The following PHAX variants were observed in gnomAD, a reference collection of about 807,000 sequenced individuals.
PHAX encodes the protein phosphorylated adaptor for RNA export.
PHAX carries 31 observed loss-of-function variants against 41.6 expected under a neutral mutation model. The ratio of observed to expected loss-of-function variants is 0.75; its 90% CI spans 0.56 to 1.01. The LOEUF (loss-of-function observed/expected upper bound fraction) is 1.01. Ranked by LOEUF, PHAX falls within the 50% of genes least tolerant of loss-of-function variation. The pLI, the probability that PHAX is intolerant of heterozygous loss-of-function variation, is 0.00. For synonymous variants in PHAX, 175 were observed against 164.9 expected, an observed-to-expected ratio of 1.06 and a Z score of -0.47; for missense variants, 453 against 472.9, an observed-to-expected ratio of 0.96 and a Z score of 0.39.
intron 3 of PHAX, among the ~76,000 whole-genome samples, chr5:126,615,926 G>C (rs1752176893): frequency 6.6e-6 from 1 of 151,684 alleles, no homozygotes; most frequent in African/African-American, 2.4e-5. Flanking sequence ...ATATATATCT[G>C]ATTTATTATA....
At position 126,622,835 on chromosome 5, in the gene PHAX, A is replaced by G. The variant is rs183794168; in HGVS notation, c.916-1740A>G. 3.0e-3 allele frequency among the ~76,000 whole-genome samples: 453 copies of G among 152,130 alleles called. 2 individuals are homozygous for G. The highest frequency in any genetic ancestry group is 0.01 in the African/African-American group (428 of 41,548). ...TGTGAAGGCAGTATAATAGATTTTA[A>G]GAACATTGGGCCGGGCGCGGTGGCT... On this transcript the variant is annotated intron_variant, in intron 4 of 4. Coordinates refer to ENST00000297540, the MANE Select transcript of PHAX (RefSeq NM_032177.4).
At position 126,620,221 on chromosome 5, in the gene PHAX, A is replaced by G. The variant is rs549172491; in HGVS notation, c.915+2888A>G. The stretch of plus-strand genomic sequence containing the variant: ...TTTCATTGTAACAACTGTTTCAGTA[A>G]CATGATTTGTAACAATGTAAGTTTC... On this transcript the variant is annotated intron_variant, in intron 4 of 4. Coordinates refer to ENST00000297540, the MANE Select transcript of PHAX (RefSeq NM_032177.4). Among the ~76,000 whole-genome samples the G allele has an allele frequency of 2.3e-4, 35 of 152,352 alleles. 2 individuals carry two copies. Among genetic ancestry groups the G allele is most frequent in the Admixed American group, 1.6e-3 (25 of 15,288 alleles).
chr5:126,624,705 C>T lies in PHAX; in HGVS notation c.1046C>T (p.Thr349Ile), dbSNP rs1212240340. Residue 349 changes from threonine (T) to isoleucine (I), a missense_variant, in exon 5 of 5, where the codon ACA (threonine) becomes ATA (isoleucine). Transcript: ENST00000297540. Reference sequence around the variant, plus strand: ...CTAAATTTTCAAGAAGATGATGATACATCACGAGAAACTTTTGCAAGTGAC... The same window carrying T: ...CTAAATTTTCAAGAAGATGATGATATATCACGAGAAACTTTTGCAAGTGAC... ...KSLNFQEDDD[T>I]SRETFASDTN... 6.2e-7 allele frequency: 1 copy of T among 1,614,116 alleles called. No homozygotes were observed. Among genetic ancestry groups the T allele is most frequent in the Non-Finnish European group, 8.5e-7 (1 of 1,179,994 alleles).
chr5:126,618,315 G>A (rs927363487), intron 4 of PHAX, among the ~76,000 whole-genome samples: 9 of 151,798 alleles, frequency 5.9e-5, no homozygotes, highest in African/African-American at 1.5e-4. Context: ...TTGAACAAGC[G>A]TAAGGGCAGG....
chr5:126,613,666 G>A (rs1057378384), intron 3 of PHAX, among the ~76,000 whole-genome samples: 5 of 152,114 alleles, frequency 3.3e-5, no homozygotes, highest in African/African-American at 7.2e-5. Flanking sequence ...GGTGAAGAGC[G>A]AGACTGTGTC....
Position 126,608,467 on chromosome 5 carries a change from G to A in PHAX, c.814G>A (p.Gly272Ser). The change falls in exon 3 of 5, where the codon GGT becomes AGT. Residue 272 changes from glycine to serine, a missense_variant. Coordinates refer to ENST00000297540, the MANE Select transcript of PHAX (RefSeq NM_032177.4). ...LMETAEVEQN[G>S]GLFIMNGSRR... ...GGAAACCGCTGAAGTTGAACAAAAT[G>A]GTGGTCTCTTTATAATGGTAAGACT... The A allele has an allele frequency of 4.3e-6, 7 of 1,613,666 alleles. No individual in the cohort carries two copies. The highest frequency in any genetic ancestry group is 5.9e-6 in the Non-Finnish European group (7 of 1,179,720).
intron 3 of PHAX, among the ~76,000 whole-genome samples, chr5:126,611,196 C>T (rs1752091697): frequency 6.6e-6 from 1 of 152,070 alleles, no homozygotes; most frequent in South Asian, 2.1e-4. Context: ...GCTGGGATTA[C>T]AGGCATGCGC....
chr5:126,614,208 C>T (rs1752150024), intron 3 of PHAX, among the ~76,000 whole-genome samples: 2 of 152,070 alleles, frequency 1.3e-5, no homozygotes, highest in South Asian at 4.1e-4. Flanking sequence ...AAACAATTCT[C>T]CTGCCCTCAG....
chr5:126,618,654 T>C (rs1439664443), intron 4 of PHAX, among the ~76,000 whole-genome samples: 2 of 148,506 alleles, frequency 1.3e-5, no homozygotes, highest in Non-Finnish European at 3.0e-5. Context: ...GGAAACAAAG[T>C]CTTTTTTTAA....
At chr5:126,617,213 A>G (rs191458650) in intron 3 of PHAX, 37 bp from the exon 4 acceptor site, 11 of 1,291,298 alleles carry the variant, frequency 8.5e-6, no homozygotes, top group Non-Finnish European at 1.2e-5. Flanking sequence ...TTATGGGAAG[A>G]GTATATGCAG....
intron 4 of PHAX, among the ~76,000 whole-genome samples, chr5:126,623,143 A>G (rs1752297014): frequency 6.6e-6 from 1 of 151,588 alleles, no homozygotes; most frequent in Non-Finnish European, 1.5e-5. Context: ...AAAGAAGAAG[A>G]AAAAAAATAA....
chr5:126,617,134 A>G, intron 3 of PHAX, 116 bp from the exon 4 acceptor site: 1 of 541,566 alleles, frequency 1.8e-6, no homozygotes, highest in Non-Finnish European at 3.3e-6. Flanking sequence ...CAGAATCAGG[A>G]CTGGACTTCA....
chr5:126,619,418 A>G (rs557888501), intron 4 of PHAX, among the ~76,000 whole-genome samples: 35 of 152,156 alleles, frequency 2.3e-4, no homozygotes, highest in African/African-American at 8.2e-4. Flanking sequence ...ACCCTACTCA[A>G]TACAAAAATT....
chr5:126,621,835 A>C (rs193183854), intron 4 of PHAX, among the ~76,000 whole-genome samples: 1 of 152,364 alleles, frequency 6.6e-6, no homozygotes, highest in East Asian at 1.9e-4. Context: ...TTTTCCCTCA[A>C]ATTACCTGTC....
At chr5:126,608,956 AAG>A (rs1354826872) in intron 3 of PHAX, among the ~76,000 whole-genome samples, 1 of 136,556 alleles carries the variant, frequency 7.3e-6, no homozygotes, top group Non-Finnish European at 1.5e-5. Flanking sequence ...AAAGAATAAA[AAG>A]AAAAAAAAAT....
chr5:126,613,526 A>C (rs182891396), intron 3 of PHAX, among the ~76,000 whole-genome samples: 1 of 152,124 alleles, frequency 6.6e-6, no homozygotes, highest in East Asian at 1.9e-4. Flanking sequence ...AAAAATACAA[A>C]AATTAGCTGT....
At chr5:126,623,673 C>T (rs956532001) in intron 4 of PHAX, among the ~76,000 whole-genome samples, 57 of 152,168 alleles carry the variant, frequency 3.7e-4, no homozygotes, top group African/African-American at 1.3e-3. Context: ...AAGATCTTTA[C>T]ACCTTCCTCT....
intron 3 of PHAX, among the ~76,000 whole-genome samples, chr5:126,614,045 G>A (rs1752147578): frequency 6.6e-6 from 1 of 151,850 alleles, no homozygotes; most frequent in African/African-American, 2.4e-5. Context: ...TTACAGGTGT[G>A]AGCCATTGTA....
At chr5:126,608,333 A>G in intron 2 of PHAX, 31 bp from the exon 3 acceptor site, 1 of 1,603,342 alleles carries the variant, frequency 6.2e-7, no homozygotes, top group Admixed American at 1.7e-5. Flanking sequence ...TACAACAAAC[A>G]AAGAGGATAA....
Sources: gnomAD v4.1 joint callset for allele counts (sites outside exome capture counted in the v4.1 genomes callset) on GRCh38, gnomAD v4.1.1 for gene constraint, MANE v1.5 for transcripts, NCBI Gene and HGNC (gene_info 2026-07-23, HGNC 2026-07-21) for gene names.